The following RFTN1 variants were observed in gnomAD, a reference collection of about 807,000 sequenced individuals.
The protein encoded by RFTN1 is raftlin.
RFTN1 carries 26 observed loss-of-function variants against 46.5 expected under a neutral mutation model. That is an observed-to-expected ratio of 0.56 (90% confidence interval 0.41 to 0.78). The LOEUF is 0.78. RFTN1 is among the 30% of genes least tolerant of loss of function. The pLI, the probability that RFTN1 is intolerant of heterozygous loss-of-function variation, is 0.00. For synonymous variants in RFTN1, 261 were observed against 284.2 expected (o/e 0.92, Z 0.82); for missense variants, 693 against 718.7 (o/e 0.96, Z 0.41).
rs2071481782 is a variant in RFTN1 at position 16,344,020 on chromosome 3, G to A, written c.1146+13912C>T. 6.6e-6 allele frequency among the ~76,000 whole-genome samples: 1 copy of A among 152,166 alleles called. No homozygotes were observed. Among genetic ancestry groups the A allele is most frequent in the Non-Finnish European group, 1.5e-5 (1 of 68,030 alleles). Reference sequence around the variant, plus strand: ...AGAGTGAGCAACCAGAAAGAAACATGGGCTGTGATCTGGAAATGTTCACTG... The same window carrying A: ...AGAGTGAGCAACCAGAAAGAAACATAGGCTGTGATCTGGAAATGTTCACTG... On this transcript the variant is annotated intron_variant, in intron 7 of 9. Coordinates refer to ENST00000334133, the MANE Select transcript of RFTN1 (RefSeq NM_015150.2). The surrounding 1 kb of genome is among the most constrained non-coding windows in gnomAD (Gnocchi z 4.4).
In RFTN1 at chr3:16,474,877, G is replaced by A. The variant is rs567030243; in HGVS notation, c.145+18848C>T. On this transcript the variant is annotated intron_variant, in intron 2 of 9. Coordinates refer to ENST00000334133, the MANE Select transcript of RFTN1 (RefSeq NM_015150.2). This position sits in a 1 kb window ranked among gnomAD's most constrained non-coding sequence, Gnocchi z 5.5. ...GAATACACAGGACTAGCCATCAAGGGGTAGAAGCAAAAATGGCTCCTCTCC... is the reference window on the plus strand; with the variant it reads ...GAATACACAGGACTAGCCATCAAGGAGTAGAAGCAAAAATGGCTCCTCTCC... 1.1e-4 allele frequency among the ~76,000 whole-genome samples: 17 copies of A among 152,250 alleles called. No homozygotes were observed. The East Asian group carries it at 1.9e-3, about 17-fold the overall frequency.
At chr3:16,378,893 T>C (rs690589) in intron 4 of RFTN1, among the ~76,000 whole-genome samples, 121,563 of 152,130 alleles carry the variant, frequency 0.8, 49,119 homozygotes, top group African/African-American at 0.91. Flanking sequence ...TACTTGAACT[T>C]TCCCTCTCCC....
rs1182927983 is a variant in RFTN1 at position 16,418,985 on chromosome 3, C to T, written c.333-9502G>A. 6.6e-6 allele frequency among the ~76,000 whole-genome samples: 1 copy of T among 152,114 alleles called. No homozygotes were observed. Among genetic ancestry groups the T allele is most frequent in the African/African-American group, 2.4e-5 (1 of 41,416 alleles). ...AAGGATCAGGGGAAAATTTAAGGAG[C>T]AAGGCGTGTGTGGGCTGAGTCTTTG... On this transcript the variant is annotated intron_variant, in intron 3 of 9. Transcript: ENST00000334133. The surrounding 1 kb of genome is among the most constrained non-coding windows in gnomAD (Gnocchi z 5.0).
At chr3:16,397,672 CTGTGATTTTTCCA>C (rs1276790092) in intron 4 of RFTN1, among the ~76,000 whole-genome samples, 12 of 152,058 alleles carry the variant, frequency 7.9e-5, no homozygotes, top group African/African-American at 2.7e-4. Flanking sequence ...CACTGACTAC[CTGTGATTTTTCCA>C]TGGTTGGTAG....
intron 7 of RFTN1, among the ~76,000 whole-genome samples, chr3:16,347,173 T>A (rs908274553): frequency 5.3e-5 from 8 of 152,152 alleles, no homozygotes; most frequent in African/African-American, 1.9e-4. Flanking sequence ...CTTCAACCCA[T>A]TGCAAAAATC....
In RFTN1 at chr3:16,458,379, A is replaced by G. The variant is rs2124923156; in HGVS notation, c.146-24342T>C. ...TTTCAGGTAGTGGGGTGCTATGCCC[A>G]GGATACAGCAGAAAGGAAAAGGAAA... is the stretch of plus-strand genomic sequence containing the variant. On this transcript the variant is annotated intron_variant, in intron 2 of 9. Transcript: ENST00000334133. The surrounding 1 kb of genome is among the most constrained non-coding windows in gnomAD (Gnocchi z 5.1). 6.6e-6 allele frequency among the ~76,000 whole-genome samples: 1 copy of G among 152,328 alleles called. No individual in the cohort carries two copies. Among genetic ancestry groups the G allele is most frequent in the South Asian group, 2.1e-4 (1 of 4,822 alleles).
Position 16,433,706 on chromosome 3 carries a change from CTGTT to C in RFTN1, c.332+141_332+144del, listed in dbSNP as rs1480491324. ...GAAAGAAACCTCTCTGGTTGTCTAACTGTTTGCCTCACCTGTCTGAGGGCTGAGG... is the reference window on the plus strand; with the variant it reads ...GAAAGAAACCTCTCTGGTTGTCTAACTGCCTCACCTGTCTGAGGGCTGAGG... On this transcript the variant is annotated intron_variant, in intron 3 of 9. Coordinates refer to ENST00000334133, the MANE Select transcript of RFTN1 (RefSeq NM_015150.2). The surrounding 1 kb of genome is among the most constrained non-coding windows in gnomAD (Gnocchi z 4.4). 1.3e-6 allele frequency: 1 copy of C among 779,800 alleles called. No individual in the cohort carries two copies. 48.3% of individuals were successfully genotyped at this position (779,800 alleles called of 1,614,324 possible). A position where few individuals can be genotyped will look rare whatever the true frequency, so the allele number is the denominator to read the frequency against.
intron 3 of RFTN1, among the ~76,000 whole-genome samples, chr3:16,430,155 C>T (rs1029655058): frequency 1.3e-5 from 2 of 152,146 alleles, no homozygotes; most frequent in African/African-American, 4.8e-5. Flanking sequence ...TTCTGTCACC[C>T]AGGCTGAAGT....
intron 4 of RFTN1, among the ~76,000 whole-genome samples, chr3:16,379,581 C>T (rs1487480493): frequency 6.6e-6 from 1 of 152,188 alleles, no homozygotes; most frequent in Non-Finnish European, 1.5e-5. Context: ...GGCCAAAGTT[C>T]ATTCTTTTAA....
chr3:16,340,152 C>T (rs955231466), intron 7 of RFTN1, among the ~76,000 whole-genome samples: 8 of 152,234 alleles, frequency 5.3e-5, no homozygotes, highest in African/African-American at 1.7e-4. Flanking sequence ...TCCATTGCCA[C>T]GCATTACAGA....
chr3:16,389,510 G>A (rs1338349438), intron 4 of RFTN1, among the ~76,000 whole-genome samples: 1 of 151,914 alleles, frequency 6.6e-6, no homozygotes, highest in Non-Finnish European at 1.5e-5. Context: ...GGGAGGGAAG[G>A]AACAGCTTTG....
rs759635061 is a variant in RFTN1 at position 16,317,080 on chromosome 3, AAC to A, written c.1483_1484del (p.Val495PhefsTer39). ...CTCCACCCTCCTGCTGCTGTCCTGA[AAC>A]ACAGTTTCCCATGTCTCCAGCTTTG... ...SSKAGDMGNC[V>X]SGQQQEGGVS... On this transcript the variant is annotated frameshift_variant, in exon 10 of 10. Coordinates refer to ENST00000334133, the MANE Select transcript of RFTN1 (RefSeq NM_015150.2). LOFTEE classifies it low-confidence loss of function (END_TRUNC). The surrounding 1 kb of genome is among the most constrained non-coding windows in gnomAD (Gnocchi z 4.3). 2.5e-6 allele frequency: 4 copies of A among 1,613,808 alleles called. No homozygotes were observed. The highest frequency in any genetic ancestry group is 2.5e-6 in the Non-Finnish European group (3 of 1,179,956).
intron 2 of RFTN1, among the ~76,000 whole-genome samples, chr3:16,467,702 G>A (rs181530919): frequency 6.6e-6 from 1 of 152,348 alleles, no homozygotes; most frequent in Non-Finnish European, 1.5e-5. Flanking sequence ...GCCAACGGCA[G>A]TTCATGCACA....
chr3:16,394,043 T>C (rs2074413614), intron 4 of RFTN1, among the ~76,000 whole-genome samples: 1 of 152,018 alleles, frequency 6.6e-6, no homozygotes, highest in South Asian at 2.1e-4. Flanking sequence ...GGTGCTATAG[T>C]AGGCAATCTT....
In RFTN1 at chr3:16,317,314, C is replaced by T. The variant is rs1575212857; in HGVS notation, c.1333-82G>A. On this transcript the variant is annotated intron_variant, in intron 9 of 9. Transcript: ENST00000334133. This position sits in a 1 kb window ranked among gnomAD's most constrained non-coding sequence, Gnocchi z 4.3. ...CCCAAAGCCTTGTTTGCATTCATAC[C>T]CACACCATGTCTGAGTGAGACATAC... The T allele has an allele frequency of 2.5e-5, 36 of 1,421,370 alleles. No homozygotes were observed. The highest frequency in any genetic ancestry group is 2.9e-5 in the Non-Finnish European group (30 of 1,033,454). The allele number at this position is 1,421,370 out of a possible 1,614,324, so 88.0% of individuals were successfully genotyped here. A position where few individuals can be genotyped will look rare whatever the true frequency, so the allele number is the denominator to read the frequency against.
chr3:16,423,391 ATGT>A (rs2075229306), intron 3 of RFTN1, among the ~76,000 whole-genome samples: 1 of 152,156 alleles, frequency 6.6e-6, no homozygotes, highest in Non-Finnish European at 1.5e-5. Context: ...CTGATCCAAA[ATGT>A]CAATAGTACC....
intron 4 of RFTN1, among the ~76,000 whole-genome samples, chr3:16,405,009 T>C (rs1456610864): frequency 6.6e-6 from 1 of 152,192 alleles, no homozygotes; most frequent in East Asian, 1.9e-4. Context: ...GCACAATGAC[T>C]GAAAACTTCA....
chr3:16,399,549 T>A (rs1026598853), intron 4 of RFTN1, among the ~76,000 whole-genome samples: 3 of 152,136 alleles, frequency 2.0e-5, no homozygotes, highest in African/African-American at 7.2e-5. Context: ...ACTCAGCAAG[T>A]TTCACACTGA....
chr3:16,438,585 CAAAAAAAAAAAAAAAAA>C lies in RFTN1; in HGVS notation c.146-4565_146-4549del, dbSNP rs61019061. Among the ~76,000 whole-genome samples, 67 of 30,478 alleles carry C rather than the reference CAAAAAAAAAAAAAAAAA, an allele frequency of 2.2e-3. 2 individuals carry two copies. The highest frequency in any genetic ancestry group is 4.6e-3 in the Admixed American group (8 of 1,726). 20.0% of individuals were successfully genotyped at this position (30,478 alleles called of 152,430 possible). Reference sequence around the variant, plus strand: ...GGGAGACAGAGTAAGAACTCTGTCTCAAAAAAAAAAAAAAAAAAAAAAAAAAAAAAAAAGAAGACAGG... The same window carrying C: ...GGGAGACAGAGTAAGAACTCTGTCTCAAAAAAAAAAAAAAAAGAAGACAGG... On this transcript the variant is annotated intron_variant, in intron 2 of 9. Coordinates refer to ENST00000334133, the MANE Select transcript of RFTN1 (RefSeq NM_015150.2).
Sources: gnomAD v4.1 joint callset for allele counts (sites outside exome capture counted in the v4.1 genomes callset) on GRCh38, gnomAD v4.1.1 for gene constraint, Gnocchi (gnomAD v3.1) non-coding constraint, MANE v1.5 for transcripts, NCBI Gene and HGNC (gene_info 2026-07-23, HGNC 2026-07-21) for gene names.